The following CMIP variants were observed in gnomAD, a reference collection of about 807,000 sequenced individuals.
The protein encoded by CMIP is C-Maf-inducing protein.
In CMIP, 13 loss-of-function variants were observed where a neutral mutation model predicts 97.3. The ratio of observed to expected loss-of-function variants is 0.13; its 90% CI spans 0.09 to 0.21. CMIP has a LOEUF of 0.21. Ranked by LOEUF, CMIP falls within the 10% of genes least tolerant of loss-of-function variation. The pLI, the probability that CMIP is intolerant of heterozygous loss-of-function variation, is 1.00. For synonymous variants in CMIP, 538 were observed against 436.3 expected (o/e 1.23, Z -2.91); for missense variants, 847 against 1,024.9 (o/e 0.83, Z 2.37).
intron 1 of CMIP, among the ~76,000 whole-genome samples, chr16:81,599,876 A>G (rs186427371): frequency 7.7e-4 from 118 of 152,322 alleles, no homozygotes; most frequent in Non-Finnish European, 7.6e-4. Flanking sequence ...TGCTGGCCAC[A>G]TGGTAACTGC....
intron 1 of CMIP, among the ~76,000 whole-genome samples, chr16:81,553,008 A>T (rs544119630): frequency 1.3e-5 from 2 of 152,144 alleles, no homozygotes; most frequent in African/African-American, 4.8e-5. Context: ...TCCTCTAAAG[A>T]CGTGACTTGT....
chr16:81,606,447 C>G (rs951320236), intron 1 of CMIP, among the ~76,000 whole-genome samples: 1 of 152,176 alleles, frequency 6.6e-6, no homozygotes, highest in Non-Finnish European at 1.5e-5. Context: ...GACAAGGACA[C>G]CCGCTTTGGC....
intron 1 of CMIP, among the ~76,000 whole-genome samples, chr16:81,521,589 C>A (rs2090028889): frequency 6.6e-6 from 1 of 152,210 alleles, no homozygotes; most frequent in Non-Finnish European, 1.5e-5. Flanking sequence ...TATATTCACA[C>A]TCTGAACCTA....
chr16:81,645,684 C>A, intron 3 of CMIP: 1 of 1,450,606 alleles, frequency 6.9e-7, no homozygotes. Context: ...GAGGCTCTGC[C>A]TGCTGTCTCT....
intron 1 of CMIP, among the ~76,000 whole-genome samples, chr16:81,560,081 G>A (rs1184644115): frequency 2.0e-5 from 3 of 150,826 alleles, no homozygotes; most frequent in Non-Finnish European, 4.4e-5. Context: ...TGGGGAGGCA[G>A]AGGTTGCAGG....
intron 1 of CMIP, among the ~76,000 whole-genome samples, chr16:81,454,823 G>T (rs918426189): frequency 6.6e-6 from 1 of 152,324 alleles, no homozygotes; most frequent in East Asian, 1.9e-4. Context: ...GGGGTGGGGA[G>T]TTTCAGGAAG....
At chr16:81,610,906 T>A (rs1024267557) in intron 2 of CMIP, among the ~76,000 whole-genome samples, 6 of 151,956 alleles carry the variant, frequency 3.9e-5, no homozygotes, top group African/African-American at 1.5e-4. Context: ...AGCCGTGGTG[T>A]CACAGAGAAC....
chr16:81,706,544 C>T (rs1908162974), intron 19 of CMIP, among the ~76,000 whole-genome samples: 1 of 152,258 alleles, frequency 6.6e-6, no homozygotes, highest in South Asian at 2.1e-4. Context: ...TGCTGCGGCC[C>T]TGCTCAGCGT....
chr16:81,480,760 C>T (rs558610488), intron 1 of CMIP, among the ~76,000 whole-genome samples: 2 of 152,316 alleles, frequency 1.3e-5, no homozygotes, highest in South Asian at 4.1e-4. Context: ...TTTACAGCCA[C>T]CTTGTGCAAG....
chr16:81,613,878 A>G (rs547197658), intron 2 of CMIP, among the ~76,000 whole-genome samples: 2 of 152,228 alleles, frequency 1.3e-5, no homozygotes, highest in African/African-American at 2.4e-5. Context: ...TATCCAATTC[A>G]TTCATTCATT....
At chr16:81,692,658 C>T (rs1305832342) in intron 11 of CMIP, among the ~76,000 whole-genome samples, 1 of 152,194 alleles carries the variant, frequency 6.6e-6, no homozygotes, top group Non-Finnish European at 1.5e-5. Context: ...CGGAGAAATC[C>T]ACCTCCTAAG....
chr16:81,483,563 GCCTCTTCCTCTTCCTCTT>G (rs772607167), intron 1 of CMIP, among the ~76,000 whole-genome samples: 1 of 148,142 alleles, frequency 6.8e-6, no homozygotes, highest in Non-Finnish European at 1.5e-5. Flanking sequence ...CCCTCCCGCA[GCCTCTTCCTCTTCCTCTT>G]CCTCTTCCTC....
At chr16:81,694,109 T>C (rs1331760475) in intron 13 of CMIP, among the ~76,000 whole-genome samples, 1 of 152,236 alleles carries the variant, frequency 6.6e-6, no homozygotes, top group Non-Finnish European at 1.5e-5. Flanking sequence ...ACATTCCTTT[T>C]CTCATGCCTC....
intron 1 of CMIP, among the ~76,000 whole-genome samples, chr16:81,575,159 C>T (rs1181195012): frequency 2.0e-5 from 3 of 152,214 alleles, no homozygotes; most frequent in Non-Finnish European, 4.4e-5. Flanking sequence ...CTCATTCAAC[C>T]TTCACAACAA....
chr16:81,530,859 G>C (rs1256152702), intron 1 of CMIP, among the ~76,000 whole-genome samples: 1 of 152,106 alleles, frequency 6.6e-6, no homozygotes, highest in African/African-American at 2.4e-5. Flanking sequence ...GCATAAAAAA[G>C]AAATTTCTCT....
intron 3 of CMIP, among the ~76,000 whole-genome samples, chr16:81,639,741 G>A (rs2092281250): frequency 2.0e-5 from 3 of 152,090 alleles, no homozygotes; most frequent in Admixed American, 6.5e-5. Flanking sequence ...ATATACCGGC[G>A]CTCAAAAAAG....
In CMIP at chr16:81,599,902, C is replaced by A. The variant is rs556964638; in HGVS notation, c.301-7665C>A. On this transcript the variant is annotated intron_variant, in intron 1 of 20. Coordinates refer to ENST00000537098, the MANE Select transcript of CMIP (RefSeq NM_198390.3). ...TGGTAACTGCTTGATGAATGTTAAC[C>A]ACGGGCACCTGTGAATGTCCATATG... Among the ~76,000 whole-genome samples, 65 of 152,198 alleles carry A rather than the reference C, an allele frequency of 4.3e-4. 1 individual carries two copies. The South Asian group carries it at 0.013, about 31-fold the overall frequency.
intron 1 of CMIP, among the ~76,000 whole-genome samples, chr16:81,485,475 C>A (rs533206171): frequency 2.0e-5 from 3 of 152,206 alleles, no homozygotes; most frequent in Admixed American, 1.3e-4. Flanking sequence ...GACTGCTGGA[C>A]GTCCCAGCTT....
intron 1 of CMIP, among the ~76,000 whole-genome samples, chr16:81,598,241 G>A (rs80291449): frequency 1.0e-3 from 157 of 151,898 alleles, no homozygotes; most frequent in African/African-American, 3.7e-3. Context: ...GACCAACGGG[G>A]GTATCGTCTA....
Sources: gnomAD v4.1 joint callset for allele counts (sites outside exome capture counted in the v4.1 genomes callset) on GRCh38, gnomAD v4.1.1 for gene constraint, MANE v1.5 for transcripts, NCBI Gene and HGNC (gene_info 2026-07-23, HGNC 2026-07-21) for gene names.